The following ATL3 variants were observed in gnomAD, a reference collection of about 807,000 sequenced individuals.
ATL3 encodes atlastin-3.
In ATL3, 49 loss-of-function variants were observed where a neutral mutation model predicts 69.5. That is an observed-to-expected ratio of 0.71 (90% confidence interval 0.56 to 0.89). The LOEUF (loss-of-function observed/expected upper bound fraction) is 0.89. Among genes scored for constraint, ATL3 ranks in the 40% least tolerant of loss-of-function variants. The pLI is 0.00. For synonymous variants in ATL3, 214 were observed against 224.1 expected (o/e 0.95, Z 0.40); for missense variants, 606 against 645.7 (o/e 0.94, Z 0.67).
intron 3 of ATL3, among the ~76,000 whole-genome samples, chr11:63,657,599 CAT>C (rs1940295701): frequency 1.3e-5 from 2 of 152,218 alleles, no homozygotes; most frequent in Admixed American, 6.5e-5. Flanking sequence ...GAATAACACA[CAT>C]GACAGCTGCT....
intron 5 of ATL3, among the ~76,000 whole-genome samples, chr11:63,651,327 C>T (rs376641268): frequency 1.3e-5 from 2 of 151,646 alleles, no homozygotes; most frequent in African/African-American, 4.9e-5. Flanking sequence ...TGGTGGCGCA[C>T]ACCTGTAATC....
intron 3 of ATL3, among the ~76,000 whole-genome samples, chr11:63,657,079 G>A (rs1477507520): frequency 1.3e-5 from 2 of 151,790 alleles, no homozygotes; most frequent in African/African-American, 4.8e-5. Flanking sequence ...GCATGGTGGT[G>A]TGCACCTGTA....
chr11:63,637,975 C>A (rs975632426), intron 8 of ATL3, among the ~76,000 whole-genome samples: 6 of 152,254 alleles, frequency 3.9e-5, no homozygotes, highest in African/African-American at 1.4e-4. Flanking sequence ...ACTTTTTAAT[C>A]CTTTTTAAAA....
chr11:63,633,362 A>G (rs201422374), intron 10 of ATL3, among the ~76,000 whole-genome samples: 2 of 152,036 alleles, frequency 1.3e-5, no homozygotes, highest in East Asian at 3.8e-4. Context: ...TCCAAAATTC[A>G]AGGAAAATAT....
rs1307331394 is a variant in ATL3 at position 63,671,282 on chromosome 11, C to T, written c.46+8G>A. The T allele has an allele frequency of 1.9e-6, 3 of 1,579,616 alleles. No homozygotes were observed. Among genetic ancestry groups the T allele is most frequent in the Non-Finnish European group, 2.6e-6 (3 of 1,165,316 alleles). On this transcript the variant is annotated splice_region_variant and intron_variant, in intron 1 of 12. Coordinates refer to ENST00000398868, the MANE Select transcript of ATL3 (RefSeq NM_015459.5). ...CGCGGGGCGATCCAGGGAAAATCGG[C>T]GCCTCACCTGCTCCTCTTGAGGCAG...
intron 5 of ATL3, among the ~76,000 whole-genome samples, chr11:63,649,914 T>C (rs1041141180): frequency 1.3e-5 from 2 of 152,216 alleles, no homozygotes; most frequent in African/African-American, 2.4e-5. Flanking sequence ...GAATAAAATA[T>C]ATGAAAATGT....
chr11:63,632,834 A>T (rs1939368002), intron 11 of ATL3, 192 bp downstream of exon 11: 4 of 767,926 alleles, frequency 5.2e-6, no homozygotes, highest in Non-Finnish European at 8.5e-6. Context: ...AACAAAACAA[A>T]ACAAAACAAG....
chr11:63,640,669 A>G (rs1216091058), intron 8 of ATL3, among the ~76,000 whole-genome samples: 2 of 142,198 alleles, frequency 1.4e-5, no homozygotes, highest in Non-Finnish European at 3.0e-5. Flanking sequence ...CAATGGCGCA[A>G]TCTCGGCTCA....
chr11:63,646,639 CATTAT>C (rs972882415), intron 5 of ATL3, 76 bp from the exon 6 acceptor site: 2 of 965,926 alleles, frequency 2.1e-6, no homozygotes, highest in African/African-American at 3.3e-5. Flanking sequence ...GCAAAGTATT[CATTAT>C]ATTTATACTG....
intron 8 of ATL3, among the ~76,000 whole-genome samples, chr11:63,637,005 G>C (rs932654773): frequency 6.6e-6 from 1 of 152,076 alleles, no homozygotes; most frequent in Admixed American, 6.5e-5. Context: ...ATGGCCGTGC[G>C]TGGTGGCTCA....
intron 1 of ATL3, among the ~76,000 whole-genome samples, chr11:63,662,565 T>C (rs771361299): frequency 3.9e-5 from 6 of 152,208 alleles, no homozygotes; most frequent in African/African-American, 7.2e-5. Context: ...CTGCAACCTC[T>C]GCCTCTCCGG....
intron 8 of ATL3, among the ~76,000 whole-genome samples, chr11:63,639,658 G>A (rs2134479846): frequency 6.6e-6 from 1 of 152,244 alleles, no homozygotes; most frequent in South Asian, 2.1e-4. Flanking sequence ...AGGAGGCTAA[G>A]GTGGGAGGAT....
intron 5 of ATL3, among the ~76,000 whole-genome samples, chr11:63,649,203 T>A (rs1021288143): frequency 5.9e-5 from 9 of 152,218 alleles, no homozygotes; most frequent in Admixed American, 2.6e-4. Flanking sequence ...TCAACTGACA[T>A]GAAGCTTTTT....
intron 1 of ATL3, among the ~76,000 whole-genome samples, chr11:63,662,297 C>G (rs1940446505): frequency 6.6e-6 from 1 of 151,526 alleles, no homozygotes; most frequent in Non-Finnish European, 1.5e-5. Context: ...AAAAAACTAC[C>G]AGTGGGGCGT....
At chr11:63,657,647 TA>T (rs781673789) in intron 3 of ATL3, among the ~76,000 whole-genome samples, 7 of 152,244 alleles carry the variant, frequency 4.6e-5, no homozygotes, top group Non-Finnish European at 1.0e-4. Context: ...CCTGACCTTT[TA>T]AACTATATTC....
At chr11:63,669,047 G>A (rs1250540100) in intron 1 of ATL3, among the ~76,000 whole-genome samples, 3 of 148,476 alleles carry the variant, frequency 2.0e-5, no homozygotes, top group Admixed American at 6.7e-5. Context: ...TGGCCAGGCT[G>A]GTCTTGAACT....
At chr11:63,651,869 T>C in intron 5 of ATL3, 67 bp downstream of exon 5, 1 of 1,529,298 alleles carries the variant, frequency 6.5e-7, no homozygotes, top group South Asian at 1.3e-5. Flanking sequence ...TACTCAGTTG[T>C]AAAATGTTCC....
intron 1 of ATL3, among the ~76,000 whole-genome samples, chr11:63,661,179 G>A (rs899345859): frequency 9.4e-5 from 14 of 149,222 alleles, no homozygotes; most frequent in Admixed American, 8.0e-4. Flanking sequence ...CCGTGATCGC[G>A]CCACTGCACT....
At chr11:63,632,974 C>A in intron 11 of ATL3, 52 bp downstream of exon 11, 1 of 1,545,376 alleles carries the variant, frequency 6.5e-7, no homozygotes, top group Non-Finnish European at 8.9e-7. Flanking sequence ...TTGAAGTCAG[C>A]AACAATGCCC....
Sources: allele counts gnomAD v4.1 joint callset (sites outside exome capture counted in the v4.1 genomes callset), GRCh38; gene constraint gnomAD v4.1.1; transcripts MANE v1.5; gene names NCBI Gene and HGNC (gene_info 2026-07-23, HGNC 2026-07-21).